Variants in ATE1 observed in about 807,000 individuals in gnomAD.
ATE1 encodes the protein arginyltransferase 1.
Under a neutral mutation model 70.5 loss-of-function variants are expected in ATE1, and 36 were observed. That is an observed-to-expected ratio of 0.51 (90% CI 0.39 to 0.67). The LOEUF (loss-of-function observed/expected upper bound fraction) is 0.67, where lower values mean the gene tolerates loss of function less well. ATE1 is among the 30% of genes least tolerant of loss of function. The pLI is 0.00. For missense variants in ATE1, 593 were observed against 629.5 expected (o/e 0.94, Z 0.62); for synonymous variants, 232 against 219.3 (o/e 1.06, Z -0.51).
chr10:121,760,178 G>C (rs1002659341), intron 11 of ATE1, among the ~76,000 whole-genome samples: 1 of 152,214 alleles, frequency 6.6e-6, no homozygotes, highest in Non-Finnish European at 1.5e-5. Flanking sequence ...TACAAGATCA[G>C]TGTTGTTTTC....
At chr10:121,859,136 T>C (rs945748738) in intron 8 of ATE1, among the ~76,000 whole-genome samples, 8 of 152,164 alleles carry the variant, frequency 5.3e-5, no homozygotes, top group Non-Finnish European at 4.4e-5. Context: ...TGCAAGAAAA[T>C]TGTGAAATTT....
At chr10:121,835,109 C>T (rs1228620515) in intron 10 of ATE1, among the ~76,000 whole-genome samples, 1 of 152,112 alleles carries the variant, frequency 6.6e-6, no homozygotes, top group Non-Finnish European at 1.5e-5. Flanking sequence ...TCATACTTTT[C>T]CTTCTGTACA....
chr10:121,909,289 G>GT (rs1475931507), intron 5 of ATE1, among the ~76,000 whole-genome samples: 1 of 152,112 alleles, frequency 6.6e-6, no homozygotes, highest in Non-Finnish European at 1.5e-5. Context: ...ACTCCTGGCC[G>GT]TAAGAGATTT....
At chr10:121,896,093 G>A (rs1314254607) in intron 7 of ATE1, among the ~76,000 whole-genome samples, 1 of 152,156 alleles carries the variant, frequency 6.6e-6, no homozygotes, top group African/African-American at 2.4e-5. Context: ...AAAGAAACTA[G>A]GTAATTTATC....
At chr10:121,864,066 T>G (rs1374014075) in intron 8 of ATE1, among the ~76,000 whole-genome samples, 6 of 152,166 alleles carry the variant, frequency 3.9e-5, no homozygotes, top group African/African-American at 1.4e-4. Flanking sequence ...AATAGTATAG[T>G]CACTAGCCAC....
At chr10:121,852,657 G>A (rs1014803048) in intron 8 of ATE1, among the ~76,000 whole-genome samples, 6 of 152,134 alleles carry the variant, frequency 3.9e-5, no homozygotes, top group Non-Finnish European at 8.8e-5. Flanking sequence ...GTTGCAGTGA[G>A]CTGAGATCGC....
At chr10:121,755,034 A>G (rs1312976118) in intron 11 of ATE1, among the ~76,000 whole-genome samples, 2 of 152,224 alleles carry the variant, frequency 1.3e-5, no homozygotes, top group African/African-American at 4.8e-5. Context: ...ACAAGGATAT[A>G]CTATGGTATT....
chr10:121,879,039 A>C (rs1950148301), intron 7 of ATE1, among the ~76,000 whole-genome samples: 1 of 152,234 alleles, frequency 6.6e-6, no homozygotes, highest in Non-Finnish European at 1.5e-5. Flanking sequence ...AGGTAACAAG[A>C]AAATAAGTCT....
At chr10:121,749,278 C>A (rs889578998) in intron 11 of ATE1, among the ~76,000 whole-genome samples, 2 of 152,142 alleles carry the variant, frequency 1.3e-5, no homozygotes, top group African/African-American at 4.8e-5. Context: ...ACTTAATTTG[C>A]ACATTCTGTC....
chr10:121,750,512 C>T (rs993732807), intron 11 of ATE1, among the ~76,000 whole-genome samples: 6 of 152,122 alleles, frequency 3.9e-5, no homozygotes, highest in East Asian at 1.9e-4. Flanking sequence ...TCAAGGAAAA[C>T]TGGTGGGCAA....
intron 8 of ATE1, among the ~76,000 whole-genome samples, chr10:121,850,824 G>A (rs1470681657): frequency 6.6e-6 from 1 of 152,144 alleles, no homozygotes; most frequent in East Asian, 1.9e-4. Flanking sequence ...GGGTGCAGTG[G>A]CTCACGCCTG....
chr10:121,758,207 A>G (rs945245038), intron 11 of ATE1, among the ~76,000 whole-genome samples: 1 of 152,212 alleles, frequency 6.6e-6, no homozygotes, highest in African/African-American at 2.4e-5. Flanking sequence ...CAGTTTGCCT[A>G]TAAGTTTTTT....
At chr10:121,898,706 G>T in intron 7 of ATE1, 1 of 964,854 alleles carries the variant, frequency 1.0e-6, no homozygotes, top group South Asian at 2.1e-5. Context: ...TCACATGTAT[G>T]AGTCATGTGA....
At chr10:121,827,640 T>A (rs1948079541) in intron 10 of ATE1, among the ~76,000 whole-genome samples, 1 of 152,218 alleles carries the variant, frequency 6.6e-6, no homozygotes, top group African/African-American at 2.4e-5. Context: ...TTACAATAGC[T>A]CATGTGAGCA....
At chr10:121,861,836 C>G (rs1256569556) in intron 8 of ATE1, among the ~76,000 whole-genome samples, 5 of 152,076 alleles carry the variant, frequency 3.3e-5, no homozygotes, top group Non-Finnish European at 5.9e-5. Context: ...GTACCGTAAG[C>G]CCTCATGACT....
Position 121,790,224 on chromosome 10 carries a change from G to A in ATE1, c.1323C>T (p.Cys441=). The change falls in exon 11 of 12, where the codon TGC becomes TGT. Residue 441 remains cysteine (C), a synonymous_variant. Coordinates refer to ENST00000224652, the MANE Select transcript of ATE1 (RefSeq NM_001001976.3). ...ETYVWVPIEQ[C]LPSLENSKYC... ...ACTTGGAGTTTTCAAGTGAAGGCAG[G>A]CATTGCTCAATGGGTACCCAAACAT... 6.2e-7 allele frequency: 1 copy of A among 1,614,066 alleles called. No individual in the cohort carries two copies. The highest frequency in any genetic ancestry group is 8.5e-7 in the Non-Finnish European group (1 of 1,179,986).
At chr10:121,907,224 G>A (rs1024160282) in intron 5 of ATE1, among the ~76,000 whole-genome samples, 4 of 152,074 alleles carry the variant, frequency 2.6e-5, no homozygotes, top group Non-Finnish European at 5.9e-5. Context: ...GGAGCCCGGG[G>A]CAGGTGGATC....
intron 1 of ATE1, 148 bp downstream of exon 1, chr10:121,927,696 C>G: frequency 1.5e-6 from 2 of 1,326,162 alleles, no homozygotes; most frequent in East Asian, 3.2e-5. Context: ...GCTAAGCCGG[C>G]GCCGCGGCCC....
At chr10:121,887,949 T>C (rs1367981914) in intron 7 of ATE1, among the ~76,000 whole-genome samples, 4 of 152,150 alleles carry the variant, frequency 2.6e-5, no homozygotes, top group East Asian at 1.9e-4. Context: ...CCATAATAAC[T>C]ACTTCAGGCA....
Sources: gnomAD v4.1 joint callset for allele counts (sites outside exome capture counted in the v4.1 genomes callset) on GRCh38, gnomAD v4.1.1 for gene constraint, MANE v1.5 for transcripts, NCBI Gene and HGNC (gene_info 2026-07-23, HGNC 2026-07-21) for gene names.